KCNA4: variants seen among roughly 807,000 people sequenced by gnomAD.
The protein encoded by KCNA4 is potassium voltage-gated channel subfamily A member 4, also known as cardiac potassium channel.
In KCNA4, 5 loss-of-function variants were observed where a neutral mutation model predicts 37.2. The ratio of observed to expected loss-of-function variants is 0.13; its 90% CI spans 0.07 to 0.28. KCNA4 has a LOEUF of 0.28. Among genes scored for constraint, KCNA4 ranks in the 10% least tolerant of loss-of-function variants. The probability of loss-of-function intolerance (pLI) is 1.00; values close to 1 mark genes in which losing one functional copy is unlikely to be tolerated. For missense variants in KCNA4, 634 were observed against 817.4 expected, an observed-to-expected ratio of 0.78 and a Z score of 2.74; for synonymous variants, 350 against 311.8, an observed-to-expected ratio of 1.12 and a Z score of -1.29.
chr11:30,010,884 T>C lies in KCNA4; in HGVS notation c.1795A>G (p.Ser599Gly), dbSNP rs780643988. 20 of 1,614,088 alleles carry C rather than the reference T, an allele frequency of 1.2e-5. No individual in the cohort carries two copies. The highest frequency in any genetic ancestry group is 2.7e-5 in the African/African-American group (2 of 74,932). Reference sequence around the variant, plus strand: ...TCCCCCAGGGAAGAAGAAGTAGAGCTCCGAAATTTCTTGAGCAAATTAGAG... The same window carrying C: ...TCCCCCAGGGAAGAAGAAGTAGAGCCCCGAAATTTCTTGAGCAAATTAGAG... ...LPSNLLKKFR[S>G]STSSSLGDKS... Residue 599 changes from serine (S) to glycine (G), a missense_variant, in exon 2 of 2, where the codon AGC becomes GGC. Ser to Gly is a moderately conservative substitution (Grantham distance 56). Transcript: ENST00000328224.
At chr11:30,015,714 C>T (rs1442615959) in intron 1 of KCNA4, among the ~76,000 whole-genome samples, 1 of 152,144 alleles carries the variant, frequency 6.6e-6, no homozygotes. Context: ...GCAAATCAGA[C>T]TGGTTTAAAA....
chr11:30,014,409 C>T (rs1328498233), intron 1 of KCNA4, among the ~76,000 whole-genome samples: 1 of 152,190 alleles, frequency 6.6e-6, no homozygotes, highest in Non-Finnish European at 1.5e-5. Flanking sequence ...CATCTTCTCT[C>T]CTTGGCGGTC....
rs775798928 is a variant in KCNA4 at position 30,012,005 on chromosome 11, C to T, written c.674G>A (p.Arg225His). The T allele has an allele frequency of 6.2e-7, 1 of 1,614,024 alleles. No individual in the cohort carries two copies. The highest frequency in any genetic ancestry group is 8.5e-7 in the Non-Finnish European group (1 of 1,179,994). ...LRNEYFFDRN[R>H]PSFDAILYYY... ...ATACAAGATGGCATCAAAGCTGGGG[C>T]GGTTCCTGTCAAAAAAATACTCATT... Residue 225 changes from arginine to histidine, a missense_variant, in exon 2 of 2, where the codon CGC (arginine) becomes CAC (histidine). Transcript: ENST00000328224.
rs1850295221 is a variant in KCNA4 at position 30,010,730 on chromosome 11, T to C, written c.1949A>G (p.Glu650Gly). Residue 650 changes from glutamate to glycine, a missense_variant, in exon 2 of 2, where the codon GAG (glutamate) becomes GGG (glycine). Glu to Gly is a moderately conservative substitution (Grantham distance 98). Around this residue, in one of 8 missense-constraint regions of KCNA4, gnomAD observed 91 missense variants for 95.8 expected, o/e 0.95. Transcript: ENST00000328224. ...GTGGAAAAAGATTCACACATCAGTC[T>C]CCACAGCCTTTGCATTAGAACAGTT... ...KNNCSNAKAVETDV is the reference protein window; with the variant it reads ...KNNCSNAKAVGTDV 1 of 1,603,820 alleles carries C rather than the reference T, an allele frequency of 6.2e-7. No homozygotes were observed. Among genetic ancestry groups the C allele is most frequent in the African/African-American group, 1.3e-5 (1 of 74,678 alleles).
chr11:30,015,010 A>T (rs1297047547), intron 1 of KCNA4, among the ~76,000 whole-genome samples: 1 of 152,080 alleles, frequency 6.6e-6, no homozygotes, highest in Non-Finnish European at 1.5e-5. Flanking sequence ...GAATTTTATG[A>T]AGTGACAAGC....
Position 30,011,665 on chromosome 11 carries a change from G to A in KCNA4, c.1014C>T (p.Leu338=), listed in dbSNP as rs1041324909. Residue 338 remains leucine (L), a synonymous_variant, in exon 2 of 2, where the codon CTC becomes CTT. Transcript: ENST00000328224. The surrounding 1 kb of genome is among the most constrained non-coding windows in gnomAD (Gnocchi z 5.6). The part of the protein sequence containing the change: ...TLPEFRDDRD[L]VMALSAGGHG... ...GCCCGCCAGCACTCAGTGCCATGAC[G>A]AGATCCCTGTCGTCCCTAAACTCAG... is the stretch of plus-strand genomic sequence containing the variant. 9 of 1,613,958 alleles carry A rather than the reference G, an allele frequency of 5.6e-6. No individual in the cohort carries two copies. Among genetic ancestry groups the A allele is most frequent in the Non-Finnish European group, 6.8e-6 (8 of 1,180,042 alleles).
chr11:30,015,041 TCTTCCCAATCATACACCC>T (rs1850338593), intron 1 of KCNA4, among the ~76,000 whole-genome samples: 1 of 151,914 alleles, frequency 6.6e-6, no homozygotes, highest in African/African-American at 2.4e-5. Context: ...CAAACAGAGG[TCTTCCCAATCATACACCC>T]CTTCCCAATC....
In KCNA4 at chr11:30,012,262, C is replaced by T; in HGVS notation, c.417G>A (p.Arg139=). The change falls in exon 2 of 2, where the codon AGG becomes AGA. Residue 139 remains arginine, a synonymous_variant. Coordinates refer to ENST00000328224, the MANE Select transcript of KCNA4 (RefSeq NM_002233.4). The stretch of plus-strand genomic sequence containing the variant: ...CATGGTCATCTTCACTATAGTAAAA[C>T]CTTCCCTCCTCTTCCTCCTCTTCCT... ...EEEEEEEEEG[R]FYYSEDDHGD... 3.7e-6 allele frequency: 6 copies of T among 1,614,072 alleles called. No individual in the cohort carries two copies. The highest frequency in any genetic ancestry group is 5.1e-6 in the Non-Finnish European group (6 of 1,180,026).
chr11:30,011,369 G>T lies in KCNA4; in HGVS notation c.1310C>A (p.Ala437Asp). Residue 437 changes from alanine to aspartate, a missense_variant, in exon 2 of 2, where the codon GCC (alanine) becomes GAC (aspartate). Ala to Asp is a moderately radical substitution (Grantham distance 126). Transcript: ENST00000328224. This position sits in a 1 kb window ranked among gnomAD's most constrained non-coding sequence, Gnocchi z 5.6. The stretch of plus-strand genomic sequence containing the variant: ...GATTCTGAGGATGGCAAAGGACATG[G>T]CCTGCTGCTGCTGACCATTGCCACC... ...QGGGNGQQQQAMSFAILRIIR... is the reference protein window; with the variant it reads ...QGGGNGQQQQDMSFAILRIIR... 1.2e-6 allele frequency: 2 copies of T among 1,614,152 alleles called. No homozygotes were observed. Among genetic ancestry groups the T allele is most frequent in the Non-Finnish European group, 1.7e-6 (2 of 1,180,042 alleles).
chr11:30,016,870 A>G lies in KCNA4; in HGVS notation c.-1081T>C, dbSNP rs1051901111. The G allele has an allele frequency of 5.0e-6, 2 of 398,302 alleles. No homozygotes were observed. The allele number at this position is 398,302 out of a possible 1,614,324, so 24.7% of individuals were successfully genotyped here. A position where few individuals can be genotyped will look rare whatever the true frequency, so the allele number is the denominator to read the frequency against. On this transcript the variant is annotated 5_prime_UTR_variant, in exon 1 of 2. Coordinates refer to ENST00000328224, the MANE Select transcript of KCNA4 (RefSeq NM_002233.4). Reference sequence around the variant, plus strand: ...TCCTCTGGAGTTCAGCACAGGAGGGATTGCCTGGGAAAGGAAGTCAAGGTT... The same window carrying G: ...TCCTCTGGAGTTCAGCACAGGAGGGGTTGCCTGGGAAAGGAAGTCAAGGTT...
chr11:30,010,109 C>T lies in KCNA4; in HGVS notation c.*608G>A, dbSNP rs1449824540. 1.3e-5 allele frequency: 2 copies of T among 152,108 alleles called. No homozygotes were observed. Among genetic ancestry groups the T allele is most frequent in the African/African-American group, 2.4e-5 (1 of 41,422 alleles). 9.4% of individuals were successfully genotyped at this position (152,108 alleles called of 1,614,324 possible). ...ACAAAATATAATCAATTTCTAAAGGCCCTTGCAGCCTTTTTAAAAGTTAAT... is the reference window on the plus strand; with the variant it reads ...ACAAAATATAATCAATTTCTAAAGGTCCTTGCAGCCTTTTTAAAAGTTAAT... On this transcript the variant is annotated 3_prime_UTR_variant, in exon 2 of 2. Transcript: ENST00000328224.
rs1564935241 is a variant in KCNA4 at position 30,009,834 on chromosome 11, T to C, written c.*883A>G. 6.6e-6 allele frequency: 1 copy of C among 152,178 alleles called. No homozygotes were observed. 9.4% of individuals were successfully genotyped at this position (152,178 alleles called of 1,614,324 possible). A position where few individuals can be genotyped will look rare whatever the true frequency, so the allele number is the denominator to read the frequency against. ...TCCTGTGATGTTATCTGCATGATCA[T>C]TAGTCTCACACAATGAAAAGAAAAC... On this transcript the variant is annotated 3_prime_UTR_variant, in exon 2 of 2. Coordinates refer to ENST00000328224, the MANE Select transcript of KCNA4 (RefSeq NM_002233.4).
chr11:30,012,545 G>A lies in KCNA4; in HGVS notation c.134C>T (p.Ala45Val), dbSNP rs754238812. ...HSRAAAAAAV[A>V]AATAAVEGSG... ...ACCTTCGACAGCAGCTGTGGCCGCT[G>A]CAACAGCAGCTGCTGCAGCTGCCCT... The change falls in exon 2 of 2, where the codon GCA becomes GTA. Residue 45 changes from alanine to valine, a missense_variant. Around this residue, in one of 8 missense-constraint regions of KCNA4, gnomAD observed 236 missense variants for 229.5 expected, o/e 1.03. Coordinates refer to ENST00000328224, the MANE Select transcript of KCNA4 (RefSeq NM_002233.4). The A allele has an allele frequency of 5.0e-6, 8 of 1,607,790 alleles. No homozygotes were observed. The highest frequency in any genetic ancestry group is 2.2e-5 in the East Asian group (1 of 44,808).
Position 30,010,900 on chromosome 11 carries a change from C to A in KCNA4, c.1779G>T (p.Leu593Phe). Residue 593 changes from leucine (L) to phenylalanine (F), a missense_variant, in exon 2 of 2, where the codon TTG (leucine) becomes TTT (phenylalanine). Coordinates refer to ENST00000328224, the MANE Select transcript of KCNA4 (RefSeq NM_002233.4). ...AVSCPYLPSN[L>F]LKKFRSSTSS... ...AAGTAGAGCTCCGAAATTTCTTGAGCAAATTAGAGGGGAGGTATGGACAAC... is the reference window on the plus strand; with the variant it reads ...AAGTAGAGCTCCGAAATTTCTTGAGAAAATTAGAGGGGAGGTATGGACAAC... The A allele has an allele frequency of 6.2e-7, 1 of 1,614,166 alleles. No homozygotes were observed. Among genetic ancestry groups the A allele is most frequent in the East Asian group, 2.2e-5 (1 of 44,882 alleles).
chr11:30,013,061 C>T lies in KCNA4; in HGVS notation c.-383G>A, dbSNP rs2133455095. The stretch of plus-strand genomic sequence containing the variant: ...AGATTCAAAGGCAGCAAGTGTCTGA[C>T]AGCCAGAAGTTGTGCCTAGAAAATG... On this transcript the variant is annotated 5_prime_UTR_variant, in exon 2 of 2. Transcript: ENST00000328224. The T allele has an allele frequency of 5.3e-6, 1 of 187,570 alleles. No homozygotes were observed. Among genetic ancestry groups the T allele is most frequent in the Non-Finnish European group, 1.2e-5 (1 of 82,444 alleles). The allele number at this position is 187,570 out of a possible 1,614,324, so 11.6% of individuals were successfully genotyped here.
In KCNA4 at chr11:30,012,513, C is replaced by T. The variant is rs1344100601; in HGVS notation, c.166G>A (p.Gly56Ser). Residue 56 changes from glycine to serine, a missense_variant, in exon 2 of 2, where the codon GGT becomes AGT. This residue lies in a region of KCNA4 where 236 missense variants were observed against 229.5 expected (regional missense o/e 1.03). Coordinates refer to ENST00000328224, the MANE Select transcript of KCNA4 (RefSeq NM_002233.4). ...TGGTGGTGGGAGCCCCCACCAGAAC[C>T]CCCGCTACCTTCGACAGCAGCTGTG... Reference protein sequence around the residue: ...AATAAVEGSGGSGGGSHHHHQ... With the variant: ...AATAAVEGSGSSGGGSHHHHQ... 3 of 1,609,762 alleles carry T rather than the reference C, an allele frequency of 1.9e-6. No homozygotes were observed. The highest frequency in any genetic ancestry group is 2.2e-5 in the East Asian group (1 of 44,820).
In KCNA4 at chr11:30,012,850, G is replaced by A. The variant is rs1193552551; in HGVS notation, c.-172C>T. 1.3e-5 allele frequency: 12 copies of A among 901,910 alleles called. No individual in the cohort carries two copies. The highest frequency in any genetic ancestry group is 1.8e-5 in the Non-Finnish European group (11 of 624,684). 55.9% of individuals were successfully genotyped at this position (901,910 alleles called of 1,614,324 possible). A position where few individuals can be genotyped will look rare whatever the true frequency, so the allele number is the denominator to read the frequency against. Reference sequence around the variant, plus strand: ...GCATTTTCTGTTTTTAAATCAGCACGCCCCATGCTCTCTCTTCTCAGGGAT... The same window carrying A: ...GCATTTTCTGTTTTTAAATCAGCACACCCCATGCTCTCTCTTCTCAGGGAT... On this transcript the variant is annotated 5_prime_UTR_variant, in exon 2 of 2. Coordinates refer to ENST00000328224, the MANE Select transcript of KCNA4 (RefSeq NM_002233.4).
At position 30,010,662 on chromosome 11, in the gene KCNA4, T is replaced by C. The variant is rs1036395898; in HGVS notation, c.*55A>G. The stretch of plus-strand genomic sequence containing the variant: ...TTCATTTTCATAACTGCACTCTCTA[T>C]GCATAAATATATTTGGAGATGCTGA... On this transcript the variant is annotated 3_prime_UTR_variant, in exon 2 of 2. Transcript: ENST00000328224. 1 of 1,546,464 alleles carries C rather than the reference T, an allele frequency of 6.5e-7. No individual in the cohort carries two copies. The highest frequency in any genetic ancestry group is 2.0e-5 in the Admixed American group (1 of 49,336).
In KCNA4 at chr11:30,012,574, G is replaced by C; in HGVS notation, c.105C>G (p.His35Gln). ...CAGCAGCTGCTGCAGCTGCCCTGGA[G>C]TGAGCAAGCCTCTCCCGCTCCCGGG... The part of the protein sequence containing the change: ...ARARERERLA[H>Q]SRAAAAAAVA... The change falls in exon 2 of 2, where the codon CAC becomes CAG. Residue 35 changes from histidine to glutamine, a missense_variant. Coordinates refer to ENST00000328224, the MANE Select transcript of KCNA4 (RefSeq NM_002233.4). The C allele has an allele frequency of 6.2e-7, 1 of 1,607,306 alleles. No homozygotes were observed. Among genetic ancestry groups the C allele is most frequent in the Non-Finnish European group, 8.5e-7 (1 of 1,179,906 alleles).
Sources: allele counts gnomAD v4.1 joint callset (sites outside exome capture counted in the v4.1 genomes callset), GRCh38; gene constraint gnomAD v4.1.1; regional missense constraint gnomAD v4.1.1; non-coding constraint Gnocchi (gnomAD v3.1); transcripts MANE v1.5; gene names NCBI Gene and HGNC (gene_info 2026-07-23, HGNC 2026-07-21).